FRYL: variants seen among roughly 807,000 people sequenced by gnomAD.
FRYL encodes the protein FRY like transcription coactivator, also known as protein furry homolog-like.
A neutral mutation model predicts 351.2 loss-of-function variants in FRYL; 150 were observed. The observed-to-expected ratio is 0.43, with a 90% CI of 0.37 to 0.49. FRYL has a LOEUF of 0.49. Ranked by LOEUF, FRYL falls within the 20% of genes least tolerant of loss-of-function variation. The pLI, the probability that FRYL is intolerant of heterozygous loss-of-function variation, is 0.00. For synonymous variants in FRYL, 1,153 were observed against 1,257.1 expected, an observed-to-expected ratio of 0.92 and a Z score of 1.75; for missense variants, 3,036 against 3,619.3, an observed-to-expected ratio of 0.84 and a Z score of 4.13.
At chr4:48,614,190 G>A (rs1748859129) in intron 7 of FRYL, among the ~76,000 whole-genome samples, 1 of 151,878 alleles carries the variant, frequency 6.6e-6, no homozygotes, top group Non-Finnish European at 1.5e-5. Flanking sequence ...TCAGAACACA[G>A]ACATCCTGAA....
intron 22 of FRYL, among the ~76,000 whole-genome samples, 178 bp from the exon 23 acceptor site, chr4:48,579,419 G>A (rs374362554): frequency 9.2e-4 from 140 of 152,270 alleles, no homozygotes; most frequent in African/African-American, 3.1e-3. Flanking sequence ...GTTTCTGTAT[G>A]TGCATACATG....
intron 22 of FRYL, 105 bp downstream of exon 22, chr4:48,580,760 C>T (rs1578208657): frequency 1.5e-6 from 1 of 688,604 alleles, no homozygotes; most frequent in African/African-American, 1.8e-5. Context: ...TAACTCATTA[C>T]ATTTGTTAAG....
chr4:48,687,302 A>T (rs1578725024), intron 2 of FRYL, among the ~76,000 whole-genome samples: 1 of 152,118 alleles, frequency 6.6e-6, no homozygotes, highest in Non-Finnish European at 1.5e-5. Context: ...AAAAAGTTCA[A>T]ATAAAAACGG....
intron 2 of FRYL, among the ~76,000 whole-genome samples, chr4:48,685,786 T>C (rs1765093805): frequency 6.6e-6 from 1 of 151,834 alleles, no homozygotes; most frequent in South Asian, 2.1e-4. Context: ...GGAGTTTCAC[T>C]CTTGTTGCCC....
intron 35 of FRYL, 63 bp downstream of exon 35, chr4:48,556,915 A>C: frequency 7.2e-7 from 1 of 1,386,810 alleles, no homozygotes; most frequent in Non-Finnish European, 9.7e-7. Flanking sequence ...CCATACTCTG[A>C]CATCACAAGA....
intron 55 of FRYL, among the ~76,000 whole-genome samples, chr4:48,519,294 C>T (rs759253596): frequency 2.6e-5 from 4 of 152,100 alleles, no homozygotes; most frequent in Non-Finnish European, 4.4e-5. Context: ...ACTCAATTTC[C>T]TGCTTTTAGC....
chr4:48,702,493 A>G (rs1233848376), intron 2 of FRYL, among the ~76,000 whole-genome samples: 10 of 108,460 alleles, frequency 9.2e-5, no homozygotes, highest in South Asian at 3.0e-4. Flanking sequence ...AAAAAAAAAA[A>G]TGCTGGGCGC....
chr4:48,576,295 G>A, intron 23 of FRYL, 73 bp from the exon 24 acceptor site: 1 of 1,121,792 alleles, frequency 8.9e-7, no homozygotes, highest in East Asian at 2.8e-5. Flanking sequence ...TTTAACTAAT[G>A]CTAAATTTCT....
intron 1 of FRYL, among the ~76,000 whole-genome samples, chr4:48,759,221 A>T (rs1334399783): frequency 6.6e-6 from 1 of 152,180 alleles, no homozygotes; most frequent in Non-Finnish European, 1.5e-5. Context: ...TATAGAACTT[A>T]AAGTATAATA....
intron 53 of FRYL, among the ~76,000 whole-genome samples, chr4:48,525,661 T>C (rs1173441499): frequency 6.6e-6 from 1 of 151,766 alleles, no homozygotes; most frequent in Non-Finnish European, 1.5e-5. Flanking sequence ...GTGTGTATGA[T>C]CTGTATGAGT....
At chr4:48,720,042 T>G (rs1769291021) in intron 1 of FRYL, among the ~76,000 whole-genome samples, 1 of 147,768 alleles carries the variant, frequency 6.8e-6, no homozygotes. Context: ...CCCAGCTACT[T>G]GGGAGGCTGA....
At chr4:48,571,048 A>G in intron 26 of FRYL, 130 bp from the exon 27 acceptor site, 1 of 606,382 alleles carries the variant, frequency 1.6e-6, no homozygotes, top group Non-Finnish European at 2.9e-6. Flanking sequence ...GACTGTGGGT[A>G]CTCTGGTAGC....
intron 7 of FRYL, among the ~76,000 whole-genome samples, chr4:48,611,073 C>A (rs1028503143): frequency 6.6e-6 from 1 of 151,812 alleles, no homozygotes; most frequent in Non-Finnish European, 1.5e-5. Context: ...TAGTTCTACA[C>A]AGTCATCCTT....
intron 3 of FRYL, among the ~76,000 whole-genome samples, chr4:48,676,083 C>G (rs1157818589): frequency 6.6e-6 from 1 of 152,124 alleles, no homozygotes; most frequent in South Asian, 2.1e-4. Flanking sequence ...CCAATCAACA[C>G]GGTGTCAAAA....
intron 52 of FRYL, 57 bp from the exon 53 acceptor site, chr4:48,527,710 T>C: frequency 6.6e-7 from 1 of 1,510,980 alleles, no homozygotes; most frequent in Admixed American, 2.0e-5. Context: ...TCACTCTGCG[T>C]ATGAGGTATC....
intron 23 of FRYL, among the ~76,000 whole-genome samples, chr4:48,577,990 T>C (rs1740005132): frequency 6.6e-6 from 1 of 151,384 alleles, no homozygotes; most frequent in Non-Finnish European, 1.5e-5. Context: ...TACATATATA[T>C]ATATTCAAAT....
At chr4:48,506,167 T>C (rs188356660) in intron 59 of FRYL, 1 of 152,342 alleles carries the variant, frequency 6.6e-6, no homozygotes, top group East Asian at 1.9e-4. Context: ...AAACATGTTA[T>C]TTATTTCCAA....
intron 7 of FRYL, 54 bp from the exon 8 acceptor site, chr4:48,609,877 T>C: frequency 1.1e-6 from 1 of 870,638 alleles, no homozygotes; most frequent in Admixed American, 2.3e-5. Context: ...TTTTTATGAG[T>C]ATTCTCATCA....
At chr4:48,740,486 G>T (rs1254262694) in intron 1 of FRYL, among the ~76,000 whole-genome samples, 1 of 151,874 alleles carries the variant, frequency 6.6e-6, no homozygotes, top group East Asian at 1.9e-4. Flanking sequence ...GTAGAGACAG[G>T]GTTTCACCAT....
Sources: allele counts gnomAD v4.1 joint callset (sites outside exome capture counted in the v4.1 genomes callset), GRCh38; gene constraint gnomAD v4.1.1; transcripts MANE v1.5; gene names NCBI Gene and HGNC (gene_info 2026-07-23, HGNC 2026-07-21).